GSE1: variants seen among roughly 807,000 people sequenced by gnomAD.
The protein encoded by GSE1 is Gse1 coiled-coil protein.
Under a neutral mutation model 112.6 loss-of-function variants are expected in GSE1, and 32 were observed. That is an observed-to-expected ratio of 0.28 (90% confidence interval 0.21 to 0.38). The LOEUF is 0.38. Ranked by LOEUF, GSE1 falls within the 10% of genes least tolerant of loss-of-function variation. GSE1 has a pLI of 1.00. For synonymous variants in GSE1, 1,115 were observed against 735.6 expected (o/e 1.52, Z -8.35); for missense variants, 2,348 against 1,699.2 (o/e 1.38, Z -6.71).
chr16:85,511,861 C>T (rs949139151), intron 2 of GSE1, among the ~76,000 whole-genome samples: 2 of 152,184 alleles, frequency 1.3e-5, no homozygotes, highest in African/African-American at 4.8e-5. Flanking sequence ...TTGATTTCAG[C>T]CCAGTGCTAC....
intron 2 of GSE1, among the ~76,000 whole-genome samples, chr16:85,460,048 G>A (rs1217834190): frequency 6.6e-6 from 1 of 152,178 alleles, no homozygotes; most frequent in Non-Finnish European, 1.5e-5. Flanking sequence ...GCCCCGCAGT[G>A]CACATACCTT....
At chr16:85,425,331 G>A (rs1004455065) in intron 2 of GSE1, among the ~76,000 whole-genome samples, 11 of 41,014 alleles carry the variant, frequency 2.7e-4, no homozygotes, top group African/African-American at 4.7e-4. Context: ...ACAGCAGGAA[G>A]CAGCCCCACC....
intron 1 of GSE1, 65 bp from the exon 2 acceptor site, chr16:85,633,849 C>T: frequency 7.5e-7 from 1 of 1,330,586 alleles, no homozygotes; most frequent in East Asian, 2.4e-5. Flanking sequence ...GCCCTGCCGA[C>T]CCTGCTCTGG....
At chr16:85,614,856 T>A (rs2048270582) in intron 1 of GSE1, among the ~76,000 whole-genome samples, 1 of 152,114 alleles carries the variant, frequency 6.6e-6, no homozygotes, top group South Asian at 2.1e-4. Context: ...GAAAGAGGGC[T>A]CCTTTTGTAA....
At chr16:85,647,182 G>A (rs1361569264) in intron 2 of GSE1, among the ~76,000 whole-genome samples, 2 of 152,202 alleles carry the variant, frequency 1.3e-5, no homozygotes, top group Non-Finnish European at 2.9e-5. Flanking sequence ...GCCCGTCCAT[G>A]CCCCCTGTCC....
chr16:85,437,345 G>GCCT (rs1433146758), intron 2 of GSE1, among the ~76,000 whole-genome samples: 3 of 152,198 alleles, frequency 2.0e-5, no homozygotes, highest in African/African-American at 7.2e-5. Flanking sequence ...AGAAGAACTG[G>GCCT]CCTCCTGGAA....
chr16:85,393,749 C>G (rs1295358554), intron 2 of GSE1, among the ~76,000 whole-genome samples: 8 of 152,328 alleles, frequency 5.3e-5, no homozygotes, highest in African/African-American at 1.9e-4. Context: ...GGGGCCCAGT[C>G]CAGAATGAGG....
intron 2 of GSE1, among the ~76,000 whole-genome samples, chr16:85,462,485 C>G (rs1235442235): frequency 6.6e-6 from 1 of 151,902 alleles, no homozygotes. Context: ...GGAGCCCCAG[C>G]CCTGGGGATG....
intron 2 of GSE1, among the ~76,000 whole-genome samples, chr16:85,496,823 T>C (rs1410248421): frequency 6.6e-6 from 1 of 151,914 alleles, no homozygotes; most frequent in African/African-American, 2.4e-5. Flanking sequence ...CCTGCTCCTG[T>C]CACTGGCCCG....
At chr16:85,590,501 G>C (rs2046954833) in intron 1 of GSE1, among the ~76,000 whole-genome samples, 1 of 151,598 alleles carries the variant, frequency 6.6e-6, no homozygotes, top group Non-Finnish European at 1.5e-5. Flanking sequence ...GCATGGGCCT[G>C]TGTGTGAATG....
chr16:85,358,016 A>C (rs918121450), intron 2 of GSE1, among the ~76,000 whole-genome samples: 2 of 152,116 alleles, frequency 1.3e-5, no homozygotes, highest in African/African-American at 4.8e-5. Flanking sequence ...AGATGTCAAC[A>C]CACTGTGTCC....
chr16:85,170,016 C>T (rs1320965218), exon 1 of GSE1: 15 of 984,608 alleles, frequency 1.5e-5, no homozygotes, highest in Non-Finnish European at 1.7e-5. Flanking sequence ...TGCGCGGGGC[C>T]GCGGAGGAGA....
chr16:85,618,038 T>G (rs754946957), intron 1 of GSE1, among the ~76,000 whole-genome samples: 7 of 152,142 alleles, frequency 4.6e-5, no homozygotes, highest in Non-Finnish European at 1.0e-4. Context: ...TTTGAGCTCT[T>G]CTAAAGGGGC....
intron 1 of GSE1, among the ~76,000 whole-genome samples, chr16:85,276,952 G>A (rs1909428098): frequency 1.3e-5 from 2 of 152,210 alleles, no homozygotes; most frequent in Admixed American, 6.5e-5. Context: ...GGAGGGGACC[G>A]TGCAGCCGGG....
chr16:85,482,062 A>G (rs1334547090), intron 2 of GSE1, among the ~76,000 whole-genome samples: 1 of 152,190 alleles, frequency 6.6e-6, no homozygotes, highest in Non-Finnish European at 1.5e-5. Flanking sequence ...GTCCCCACCC[A>G]TGAAGGGAGC....
chr16:85,642,972 G>A (rs780992557), intron 2 of GSE1, among the ~76,000 whole-genome samples: 10 of 152,248 alleles, frequency 6.6e-5, no homozygotes, highest in Non-Finnish European at 7.4e-5. Context: ...GCCCCCAAGC[G>A]CCTCTTAAAG....
intron 1 of GSE1, among the ~76,000 whole-genome samples, chr16:85,348,691 T>C (rs2046792944): frequency 6.6e-6 from 1 of 152,144 alleles, no homozygotes; most frequent in Non-Finnish European, 1.5e-5. Context: ...GGTTGGTCAT[T>C]CTCACCTGGC....
intron 1 of GSE1, among the ~76,000 whole-genome samples, chr16:85,184,839 A>C (rs545752918): frequency 1.3e-5 from 2 of 152,338 alleles, no homozygotes; most frequent in South Asian, 4.1e-4. Context: ...TAATCCTTTT[A>C]TATTTAAGTG....
chr16:85,473,913 A>G (rs1213763138), intron 2 of GSE1, among the ~76,000 whole-genome samples: 1 of 152,062 alleles, frequency 6.6e-6, no homozygotes, highest in Non-Finnish European at 1.5e-5. Context: ...CTCCGAAAAA[A>G]GAGCCGGAGC....
Sources: allele counts gnomAD v4.1 joint callset (sites outside exome capture counted in the v4.1 genomes callset), GRCh38; gene constraint gnomAD v4.1.1; transcripts MANE v1.5; gene names NCBI Gene and HGNC (gene_info 2026-07-23, HGNC 2026-07-21).